GRIN2B: variants seen among roughly 807,000 people sequenced by gnomAD.
The protein encoded by GRIN2B is glutamate ionotropic receptor NMDA type subunit 2B.
A neutral mutation model predicts 114.5 loss-of-function variants in GRIN2B; 5 were observed. The observed-to-expected ratio is 0.04, with a 90% CI of 0.02 to 0.09. The LOEUF (loss-of-function observed/expected upper bound fraction) is 0.09. Ranked by LOEUF, GRIN2B falls within the 10% of genes least tolerant of loss-of-function variation. The probability of loss-of-function intolerance (pLI) is 1.00; values close to 1 mark genes in which losing one functional copy is unlikely to be tolerated. For missense variants in GRIN2B, 1,108 were observed against 1,943.5 expected (o/e 0.57, Z 8.08); for synonymous variants, 787 against 745.1 (o/e 1.06, Z -0.92).
chr12:13,907,085 T>A (rs1301470184), intron 2 of GRIN2B, among the ~76,000 whole-genome samples: 2 of 151,988 alleles, frequency 1.3e-5, no homozygotes, highest in East Asian at 3.9e-4. Context: ...AAAATTTATT[T>A]GTAGTAAAAT....
In GRIN2B at chr12:13,723,480, TA is replaced by T. The variant is rs33929265; in HGVS notation, c.1010+29836del. ...CTAAGCCCTGCTCCCTAGAATTACTTAAAAAAAAAAAAACACTTGCATATAA... is the reference window on the plus strand; with the variant it reads ...CTAAGCCCTGCTCCCTAGAATTACTTAAAAAAAAAAAACACTTGCATATAA... On this transcript the variant is annotated intron_variant, in intron 4 of 13. Transcript: ENST00000609686. 2.7e-3 allele frequency among the ~76,000 whole-genome samples: 392 copies of T among 143,258 alleles called. 2 individuals carry two copies. Among genetic ancestry groups the T allele is most frequent in the South Asian group, 6.1e-3 (27 of 4,414 alleles). 94.0% of individuals were successfully genotyped at this position (143,258 alleles called of 152,430 possible).
chr12:13,611,208 T>A (rs918604636), intron 9 of GRIN2B, among the ~76,000 whole-genome samples: 1 of 152,174 alleles, frequency 6.6e-6, no homozygotes, highest in African/African-American at 2.4e-5. Flanking sequence ...AACACCCAAC[T>A]TTTATACTCT....
At chr12:13,578,152 T>C (rs1948802579) in intron 10 of GRIN2B, among the ~76,000 whole-genome samples, 1 of 152,198 alleles carries the variant, frequency 6.6e-6, no homozygotes, top group South Asian at 2.1e-4. Flanking sequence ...ACTCCCAGCC[T>C]CAAGCAATCC....
At chr12:13,725,679 T>C (rs541841162) in intron 4 of GRIN2B, among the ~76,000 whole-genome samples, 1 of 152,272 alleles carries the variant, frequency 6.6e-6, no homozygotes, top group East Asian at 1.9e-4. Flanking sequence ...AAAACTATTA[T>C]AGAATACAGA....
At chr12:13,895,775 T>C (rs1250837466) in intron 2 of GRIN2B, among the ~76,000 whole-genome samples, 1 of 152,166 alleles carries the variant, frequency 6.6e-6, no homozygotes, top group African/African-American at 2.4e-5. Flanking sequence ...TTAGAAAAAG[T>C]TTTGGAATGT....
At chr12:13,677,617 C>A (rs1950087655) in intron 4 of GRIN2B, among the ~76,000 whole-genome samples, 1 of 152,020 alleles carries the variant, frequency 6.6e-6, no homozygotes, top group South Asian at 2.1e-4. Context: ...CCTTCTATAT[C>A]ATAATATTGG....
In GRIN2B at chr12:13,615,324, CA is replaced by C; in HGVS notation, c.1501-58del. The C allele has an allele frequency of 1.9e-6, 3 of 1,565,532 alleles. No homozygotes were observed. The highest frequency in any genetic ancestry group is 2.2e-5 in the South Asian group (2 of 90,064). On this transcript the variant is annotated intron_variant, in intron 7 of 13. Coordinates refer to ENST00000609686, the MANE Select transcript of GRIN2B (RefSeq NM_000834.5). This position sits in a 1 kb window ranked among gnomAD's most constrained non-coding sequence, Gnocchi z 5.8. Reference sequence around the variant, plus strand: ...CATTCAGGAGGGCAAGGGACCACCACAAGGAAAATACAGCCTATCAGTGGTT... The same window carrying C: ...CATTCAGGAGGGCAAGGGACCACCACAGGAAAATACAGCCTATCAGTGGTT...
intron 3 of GRIN2B, among the ~76,000 whole-genome samples, chr12:13,834,151 C>T (rs1374228770): frequency 1.3e-5 from 2 of 149,934 alleles, no homozygotes; most frequent in Non-Finnish European, 3.0e-5. Context: ...CTGCCTCAGC[C>T]TCCTGAGTAG....
chr12:13,745,132 A>G (rs1455294517), intron 4 of GRIN2B, among the ~76,000 whole-genome samples: 1 of 152,012 alleles, frequency 6.6e-6, no homozygotes, highest in East Asian at 1.9e-4. Context: ...CCACACAACC[A>G]TCTCTGCTCT....
chr12:13,943,049 T>G (rs760814515), intron 2 of GRIN2B, among the ~76,000 whole-genome samples: 1 of 152,060 alleles, frequency 6.6e-6, no homozygotes, highest in Non-Finnish European at 1.5e-5. Context: ...GAGCAAGGGA[T>G]GCCACAGGGA....
chr12:13,738,193 C>T (rs1863218638), intron 4 of GRIN2B, among the ~76,000 whole-genome samples: 2 of 152,208 alleles, frequency 1.3e-5, no homozygotes, highest in South Asian at 2.1e-4. Context: ...ATCTGCAGTA[C>T]TTCAGAAAGC....
At chr12:13,835,780 A>G (rs1438342086) in intron 3 of GRIN2B, among the ~76,000 whole-genome samples, 1 of 151,188 alleles carries the variant, frequency 6.6e-6, no homozygotes, top group Non-Finnish European at 1.5e-5. Context: ...TTAAAAAAAA[A>G]AAAAAAAAAA....
chr12:13,899,541 A>G lies in GRIN2B; in HGVS notation c.-18-33315T>C, dbSNP rs963219484. 5.6e-5 allele frequency among the ~76,000 whole-genome samples: 8 copies of G among 143,900 alleles called. 2 individuals carry two copies. Among genetic ancestry groups the G allele is most frequent in the Non-Finnish European group, 9.6e-5 (6 of 62,580 alleles). 94.4% of individuals were successfully genotyped at this position (143,900 alleles called of 152,430 possible). A position where few individuals can be genotyped will look rare whatever the true frequency, so the allele number is the denominator to read the frequency against. On this transcript the variant is annotated intron_variant, in intron 2 of 13. Transcript: ENST00000609686. ...GCCCAGGCATTTTTGTTAGGCACAC[A>G]GCATAGTAGTAAAAAGTAACTGACA...
chr12:13,957,074 CAAGAA>C (rs1475803334), intron 2 of GRIN2B, among the ~76,000 whole-genome samples: 2 of 152,050 alleles, frequency 1.3e-5, no homozygotes, highest in African/African-American at 2.4e-5. Flanking sequence ...GAATAGTGAA[CAAGAA>C]AAGAGAAAGA....
chr12:13,683,876 A>G (rs183948826), intron 4 of GRIN2B: 11 of 152,260 alleles, frequency 7.2e-5, no homozygotes, highest in African/African-American at 2.4e-4. Context: ...CCTGGGTGTC[A>G]GGGGAGTTAG....
At chr12:13,750,426 G>A (rs188836529) in intron 4 of GRIN2B, among the ~76,000 whole-genome samples, 91 of 152,318 alleles carry the variant, frequency 6.0e-4, no homozygotes, top group African/African-American at 2.1e-3. Flanking sequence ...AATATCTGCA[G>A]ATCATTGTTT....
intron 2 of GRIN2B, among the ~76,000 whole-genome samples, chr12:13,869,129 G>A (rs1028612963): frequency 1.3e-5 from 2 of 152,000 alleles, no homozygotes; most frequent in African/African-American, 4.8e-5. Flanking sequence ...ATATGATGAT[G>A]TGTCCACCTA....
At chr12:13,965,254 T>C (rs920862549) in intron 2 of GRIN2B, among the ~76,000 whole-genome samples, 2 of 152,208 alleles carry the variant, frequency 1.3e-5, no homozygotes, top group African/African-American at 4.8e-5. Flanking sequence ...TTAAGGTAAC[T>C]GAAAGGTTTG....
At chr12:13,764,640 G>A (rs1863745258) in intron 3 of GRIN2B, among the ~76,000 whole-genome samples, 1 of 152,170 alleles carries the variant, frequency 6.6e-6, no homozygotes, top group Admixed American at 6.5e-5. Flanking sequence ...AACTTGGCAA[G>A]TAAAAGAATG....
Sources: allele counts gnomAD v4.1 joint callset (sites outside exome capture counted in the v4.1 genomes callset), GRCh38; gene constraint gnomAD v4.1.1; non-coding constraint Gnocchi (gnomAD v3.1); transcripts MANE v1.5; gene names NCBI Gene and HGNC (gene_info 2026-07-23, HGNC 2026-07-21).